Variants in SPAG17 observed in about 807,000 individuals in gnomAD.
SPAG17 encodes sperm-associated antigen 17.
SPAG17 carries 169 observed loss-of-function variants against 273.6 expected under a neutral mutation model. That is an observed-to-expected ratio of 0.62 (90% confidence interval 0.55 to 0.70). The LOEUF (loss-of-function observed/expected upper bound fraction) is 0.70. SPAG17 is among the 30% of genes least tolerant of loss of function. The pLI, the probability that SPAG17 is intolerant of heterozygous loss-of-function variation, is 0.00. For synonymous variants in SPAG17, 825 were observed against 873.2 expected (o/e 0.94, Z 0.97); for missense variants, 2,557 against 2,627.8 (o/e 0.97, Z 0.59).
intron 3 of SPAG17, among the ~76,000 whole-genome samples, chr1:118,124,162 G>A (rs369597332): frequency 7.9e-5 from 12 of 152,238 alleles, no homozygotes; most frequent in East Asian, 3.9e-4. Context: ...TTTTCTTTAG[G>A]TGTGTATTAG....
chr1:118,072,625 C>A (rs1653716187), intron 17 of SPAG17, among the ~76,000 whole-genome samples: 1 of 152,042 alleles, frequency 6.6e-6, no homozygotes, highest in Non-Finnish European at 1.5e-5. Flanking sequence ...TTATTAACTG[C>A]AGAGAAAATA....
At chr1:118,157,933 A>G (rs1236238054) in intron 1 of SPAG17, among the ~76,000 whole-genome samples, 1 of 152,204 alleles carries the variant, frequency 6.6e-6, no homozygotes, top group Non-Finnish European at 1.5e-5. Context: ...TGGCTAGTCC[A>G]TGCAAGCTGC....
chr1:118,081,044 C>G (rs1654511744), intron 15 of SPAG17, 57 bp downstream of exon 15: 1 of 1,349,500 alleles, frequency 7.4e-7, no homozygotes, highest in South Asian at 1.2e-5. Flanking sequence ...TTTATGTGTA[C>G]TATAATAGTG....
Position 118,041,875 on chromosome 1 carries a change from T to C in SPAG17, c.2982A>G (p.Lys994=). ...KKKSPYKEKS[K]EEQVKIQEVT... ...CTTCTTGGATCTTGACTTGTTCTTC[T>C]TTAGATTTCTCCTTGTAAGGTGATT... Residue 994 remains lysine (K), a synonymous_variant, in exon 21 of 49, where the codon AAA becomes AAG. Coordinates refer to ENST00000336338, the MANE Select transcript of SPAG17 (RefSeq NM_206996.4). The C allele has an allele frequency of 1.9e-6, 3 of 1,613,948 alleles. No individual in the cohort carries two copies. The highest frequency in any genetic ancestry group is 2.5e-6 in the Non-Finnish European group (3 of 1,179,892).
At position 118,101,860 on chromosome 1, in the gene SPAG17, C is replaced by G. The variant is rs151142653; in HGVS notation, c.514G>C (p.Ala172Pro). 128 of 1,613,862 alleles carry G rather than the reference C, an allele frequency of 7.9e-5. No homozygotes were observed. The highest frequency in any genetic ancestry group is 5.9e-4 in the African/African-American group (44 of 74,900). The change falls in exon 5 of 49, where the codon GCT (alanine) becomes CCT (proline). Residue 172 changes from alanine to proline, a missense_variant. Ala to Pro is a conservative substitution (Grantham distance 27, BLOSUM62 -1). Coordinates refer to ENST00000336338, the MANE Select transcript of SPAG17 (RefSeq NM_206996.4). ...GKAKSPKEKKAPSAKPAKGKG... is the reference protein window; with the variant it reads ...GKAKSPKEKKPPSAKPAKGKG... The stretch of plus-strand genomic sequence containing the variant: ...CCTTTGGCAGGCTTGGCACTTGGAG[C>G]CTTTTTCTCCTTGGGAGATTTTGCT...
chr1:118,045,199 G>A (rs1650210847), intron 20 of SPAG17, among the ~76,000 whole-genome samples: 1 of 152,182 alleles, frequency 6.6e-6, no homozygotes, highest in East Asian at 1.9e-4. Context: ...AGTGATAGGA[G>A]CATCTTTTGC....
intron 48 of SPAG17, chr1:117,960,946 T>C (rs887394450): frequency 5.3e-5 from 8 of 152,234 alleles, no homozygotes; most frequent in African/African-American, 1.7e-4. Flanking sequence ...TCTGAAACTT[T>C]TCTCATTGTT....
intron 22 of SPAG17, 21 bp downstream of exon 22, chr1:118,040,709 C>G: frequency 6.9e-7 from 1 of 1,449,842 alleles, no homozygotes; most frequent in Middle Eastern, 1.7e-4. Flanking sequence ...CAATCATTAA[C>G]CAGTTGCTTT....
intron 3 of SPAG17, among the ~76,000 whole-genome samples, chr1:118,122,898 C>A (rs1437231093): frequency 1.3e-5 from 2 of 152,160 alleles, no homozygotes; most frequent in Non-Finnish European, 2.9e-5. Flanking sequence ...GAATGAGGAG[C>A]AACTGGGCAG....
intron 24 of SPAG17, among the ~76,000 whole-genome samples, chr1:118,034,260 G>A (rs1160784003): frequency 6.6e-6 from 1 of 152,214 alleles, no homozygotes; most frequent in Non-Finnish European, 1.5e-5. Flanking sequence ...CAGGTACAAT[G>A]CTGTGTGTTC....
intron 36 of SPAG17, 138 bp from the exon 37 acceptor site, chr1:117,991,666 A>C (rs1657093753): frequency 3.8e-6 from 2 of 526,830 alleles, no homozygotes; most frequent in Admixed American, 7.5e-5. Flanking sequence ...TTTACTAGTC[A>C]AACAACCTGA....
At chr1:118,069,885 C>T (rs1224877763) in intron 17 of SPAG17, among the ~76,000 whole-genome samples, 1 of 152,070 alleles carries the variant, frequency 6.6e-6, no homozygotes, top group Non-Finnish European at 1.5e-5. Context: ...AAGGGATAAG[C>T]TCTGCAATGC....
At chr1:118,133,533 G>T (rs1658172521) in intron 3 of SPAG17, among the ~76,000 whole-genome samples, 1 of 152,192 alleles carries the variant, frequency 6.6e-6, no homozygotes, top group Admixed American at 6.5e-5. Flanking sequence ...TTTGAGGCAT[G>T]CCACTGGTAC....
chr1:118,173,871 A>AT (rs1199045114), intron 1 of SPAG17, among the ~76,000 whole-genome samples: 2 of 151,352 alleles, frequency 1.3e-5, no homozygotes, highest in Admixed American at 6.6e-5. Context: ...AAAAAAAAAA[A>AT]AAAAAAGTAC....
intron 23 of SPAG17, among the ~76,000 whole-genome samples, chr1:118,038,846 A>G (rs1441920834): frequency 6.6e-6 from 1 of 152,154 alleles, no homozygotes; most frequent in East Asian, 1.9e-4. Context: ...AATGGTAGAC[A>G]CATGCCATTA....
At chr1:118,097,197 T>A (rs1029859134) in intron 7 of SPAG17, among the ~76,000 whole-genome samples, 1 of 151,058 alleles carries the variant, frequency 6.6e-6, no homozygotes, top group Non-Finnish European at 1.5e-5. Context: ...ACCACTGCAC[T>A]TCAGCCTGGG....
intron 1 of SPAG17, among the ~76,000 whole-genome samples, chr1:118,157,215 T>C (rs1230619894): frequency 6.6e-6 from 1 of 152,174 alleles, no homozygotes; most frequent in African/African-American, 2.4e-5. Flanking sequence ...TGTCTAAGAC[T>C]GACTTAGTTA....
In SPAG17 at chr1:117,984,689, C is replaced by T; in HGVS notation, c.5763G>A (p.Gln1921=). The T allele has an allele frequency of 6.3e-7, 1 of 1,583,832 alleles. No homozygotes were observed. The highest frequency in any genetic ancestry group is 1.1e-5 in the South Asian group (1 of 88,986). ...GTTCATTATATTCAATTACCTGAGA[C>T]TGATATAACTGGTTCAATTCAGATT... ...FFKSELNQLY[Q]SQYNHLDSLS... The change falls in exon 41 of 49, where the codon CAG becomes CAA. Residue 1921 remains glutamine (Q), a synonymous_variant. Coordinates refer to ENST00000336338, the MANE Select transcript of SPAG17 (RefSeq NM_206996.4).
At chr1:118,045,512 T>C (rs1055949903) in intron 20 of SPAG17, among the ~76,000 whole-genome samples, 1 of 152,374 alleles carries the variant, frequency 6.6e-6, no homozygotes, top group Non-Finnish European at 1.5e-5. Flanking sequence ...CTTCTGGACC[T>C]TGCTGCATTT....
Sources: allele counts gnomAD v4.1 joint callset (sites outside exome capture counted in the v4.1 genomes callset), GRCh38; gene constraint gnomAD v4.1.1; transcripts MANE v1.5; gene names NCBI Gene and HGNC (gene_info 2026-07-23, HGNC 2026-07-21).